PADI6: variants seen among roughly 807,000 people sequenced by gnomAD.
PADI6 encodes the protein peptidyl arginine deiminase 6, also known as inactive protein-arginine deiminase type-6.
In PADI6, 66 loss-of-function variants were observed where a neutral mutation model predicts 78.2. That is an observed-to-expected ratio of 0.84 (90% CI 0.69 to 1.04). PADI6 has a LOEUF of 1.04. PADI6 is among the 50% of genes least tolerant of loss of function. The pLI is 0.00. For missense variants in PADI6, 854 were observed against 866.1 expected (o/e 0.99, Z 0.18); for synonymous variants, 397 against 346.9 (o/e 1.14, Z -1.60).
At chr1:17,398,149 T>A (rs78776257) in intron 14 of PADI6, among the ~76,000 whole-genome samples, 7 of 152,184 alleles carry the variant, frequency 4.6e-5, no homozygotes, top group Non-Finnish European at 1.0e-4. Flanking sequence ...GTCCTTAACA[T>A]TCCCAGGAAT....
chr1:17,398,687 A>G lies in PADI6; in HGVS notation c.1691A>G (p.Lys564Arg), dbSNP rs1037276089. The G allele has an allele frequency of 5.7e-5, 12 of 209,116 alleles. No individual in the cohort carries two copies. Among genetic ancestry groups the G allele is most frequent in the Middle Eastern group, 9.6e-4 (2 of 2,084 alleles). The allele number at this position is 209,116 out of a possible 1,614,324, so 13.0% of individuals were successfully genotyped here. The change falls in exon 15 of 16, where the codon AAG becomes AGG. Residue 564 changes from lysine (K) to arginine (R), a missense_variant and splice_region_variant. Physicochemically the swap from Lys to Arg is conservative, Grantham distance 26. Coordinates refer to ENST00000619609, the MANE Select transcript of PADI6 (RefSeq NM_207421.4). ...CCCCACCCACCCACCCACCCACAGA[A>G]GTGCATTCACCTGAACCGTGACATC... is the stretch of plus-strand genomic sequence containing the variant. The part of the protein sequence containing the change: ...SLKKQNEYVE[K>R]CIHLNRDILK...
intron 13 of PADI6, among the ~76,000 whole-genome samples, chr1:17,396,279 G>C (rs779919899): frequency 6.6e-6 from 1 of 152,158 alleles, no homozygotes. Flanking sequence ...TCAGCTACTC[G>C]GGAGGCTGAG....
chr1:17,388,262 GC>G (rs2075142759), intron 6 of PADI6, 118 bp from the exon 7 acceptor site: 1 of 953,994 alleles, frequency 1.0e-6, no homozygotes, highest in Non-Finnish European at 1.5e-6. Flanking sequence ...TTCAGCTCCA[GC>G]CCTCCTGGAA....
intron 15 of PADI6, 123 bp downstream of exon 15, chr1:17,398,970 G>A (rs1458587863): frequency 1.8e-6 from 2 of 1,099,894 alleles, no homozygotes; most frequent in Non-Finnish European, 2.6e-6. Flanking sequence ...GAGGAAATGG[G>A]AGGGAGACCC....
intron 6 of PADI6, among the ~76,000 whole-genome samples, chr1:17,387,818 C>T (rs1371510751): frequency 1.3e-5 from 2 of 152,218 alleles, no homozygotes; most frequent in Non-Finnish European, 1.5e-5. Context: ...CTTCTGATCT[C>T]TTCTGTGCAT....
intron 13 of PADI6, among the ~76,000 whole-genome samples, chr1:17,395,873 T>C (rs1214871560): frequency 2.0e-5 from 3 of 152,188 alleles, no homozygotes; most frequent in Non-Finnish European, 4.4e-5. Context: ...GCCTGGAGGC[T>C]GTTTGGATGT....
chr1:17,389,904 C>T (rs1286123588), intron 8 of PADI6, among the ~76,000 whole-genome samples: 1 of 152,214 alleles, frequency 6.6e-6, no homozygotes, highest in African/African-American at 2.4e-5. Context: ...CACCACGTTG[C>T]CCTTTATTGC....
intron 15 of PADI6, among the ~76,000 whole-genome samples, chr1:17,400,874 T>C (rs2075295193): frequency 1.3e-5 from 2 of 152,096 alleles, no homozygotes; most frequent in African/African-American, 4.8e-5. Flanking sequence ...ATACAAAAGA[T>C]GCGCAGCAGT....
At chr1:17,380,930 A>T in intron 4 of PADI6, 117 bp from the exon 5 acceptor site, 1 of 788,122 alleles carries the variant, frequency 1.3e-6, no homozygotes. Context: ...GTCCTGTTCC[A>T]TGGGTCCCTG....
intron 9 of PADI6, among the ~76,000 whole-genome samples, chr1:17,393,562 C>T (rs6687773): frequency 0.6 from 91,553 of 151,922 alleles, 27,857 homozygotes; most frequent in South Asian, 0.67. Flanking sequence ...AGTGCAGTGG[C>T]GCGATCTCAG....
chr1:17,390,058 G>GT (rs2075166944), intron 8 of PADI6, among the ~76,000 whole-genome samples: 1 of 152,170 alleles, frequency 6.6e-6, no homozygotes, highest in Non-Finnish European at 1.5e-5. Context: ...CAGCACTTTG[G>GT]GAGGCCGAGG....
rs757241452 is a variant in PADI6, at chr1:17,394,432, A to T, written c.1315A>T (p.Ile439Phe). ...GKEYPLGRVLIGSSFYPSAEG... is the reference protein window; with the variant it reads ...GKEYPLGRVLFGSSFYPSAEG... ...AGAGTACCCGCTGGGCAGAGTCCTC[A>T]TTGGCAGCAGCTTTTACCCCAGGTG... The change falls in exon 11 of 16, where the codon ATT becomes TTT. Residue 439 changes from isoleucine to phenylalanine, a missense_variant. Transcript: ENST00000619609. 1.2e-6 allele frequency: 2 copies of T among 1,613,430 alleles called. No homozygotes were observed. Among genetic ancestry groups the T allele is most frequent in the Admixed American group, 1.7e-5 (1 of 59,980 alleles).
intron 15 of PADI6, among the ~76,000 whole-genome samples, chr1:17,400,753 A>G (rs2075293743): frequency 1.3e-5 from 2 of 152,128 alleles, no homozygotes; most frequent in African/African-American, 4.8e-5. Flanking sequence ...GGTCCTAGGG[A>G]CACAGGCCCT....
intron 6 of PADI6, among the ~76,000 whole-genome samples, chr1:17,387,689 TAC>T (rs1426616210): frequency 1.3e-5 from 2 of 152,122 alleles, no homozygotes; most frequent in Non-Finnish European, 2.9e-5. Flanking sequence ...AGGCAAAGCT[TAC>T]AGTGAGCTGA....
intron 14 of PADI6, 25 bp downstream of exon 14, chr1:17,397,166 T>C: frequency 1.2e-6 from 2 of 1,612,250 alleles, no homozygotes; most frequent in Non-Finnish European, 1.7e-6. Context: ...AAGGGGGCCA[T>C]CCCCAAGAAA....
chr1:17,375,517 T>C lies in PADI6; in HGVS notation c.367+18T>C. ...TGGCATTGGTGAGTGTTGCTCCAACTGGGAGCCTGGGGCCCAACTCACCGC... is the reference window on the plus strand; with the variant it reads ...TGGCATTGGTGAGTGTTGCTCCAACCGGGAGCCTGGGGCCCAACTCACCGC... On this transcript the variant is annotated intron_variant, in intron 3 of 15. Coordinates refer to ENST00000619609, the MANE Select transcript of PADI6 (RefSeq NM_207421.4). The C allele has an allele frequency of 6.3e-7, 1 of 1,586,730 alleles. No individual in the cohort carries two copies. The highest frequency in any genetic ancestry group is 8.6e-7 in the Non-Finnish European group (1 of 1,165,424).
At chr1:17,395,787 T>C (rs1207208775) in intron 13 of PADI6, 124 bp downstream of exon 13, 2 of 1,301,906 alleles carry the variant, frequency 1.5e-6, no homozygotes, top group Non-Finnish European at 2.0e-6. Context: ...GCTGTTGGAA[T>C]TGCCATATTA....
intron 8 of PADI6, among the ~76,000 whole-genome samples, chr1:17,389,940 G>GT (rs1028134944): frequency 7.9e-5 from 12 of 152,150 alleles, no homozygotes; most frequent in Admixed American, 4.6e-4. Flanking sequence ...AGGCTTTTTT[G>GT]TTTTTTTAAG....
At position 17,394,050 on chromosome 1, in the gene PADI6, G is replaced by C. The variant is rs560246479; in HGVS notation, c.1150G>C (p.Asp384His). ...SLILDTPQAA[D>H]LDEFPMKYSL... is the part of the protein sequence containing the mutation. ...GATCCTCGACACACCTCAGGCCGCC[G>C]ATCTCGATGAGTTCCCCATGAAGTA... The change falls in exon 10 of 16, where the codon GAT (aspartate) becomes CAT (histidine). Residue 384 changes from aspartate (D) to histidine (H), a missense_variant. Transcript: ENST00000619609. 3 of 1,613,872 alleles carry C rather than the reference G, an allele frequency of 1.9e-6. No homozygotes were observed.
Sources: gnomAD v4.1 joint callset for allele counts (sites outside exome capture counted in the v4.1 genomes callset) on GRCh38, gnomAD v4.1.1 for gene constraint, MANE v1.5 for transcripts, NCBI Gene and HGNC (gene_info 2026-07-23, HGNC 2026-07-21) for gene names.